The following JPH4 variants were observed in gnomAD, a reference collection of about 807,000 sequenced individuals.
JPH4 encodes junctophilin 4.
In JPH4, 18 loss-of-function variants were observed where a neutral mutation model predicts 57.6. That is an observed-to-expected ratio of 0.31 (90% CI 0.22 to 0.46). JPH4 has a LOEUF of 0.46. JPH4 is among the 20% of genes least tolerant of loss of function. The pLI, the probability that JPH4 is intolerant of heterozygous loss-of-function variation, is 1.00. For synonymous variants in JPH4, 425 were observed against 406.6 expected, an observed-to-expected ratio of 1.05 and a Z score of -0.54; for missense variants, 727 against 911.1, an observed-to-expected ratio of 0.80 and a Z score of 2.60.
chr14:23,570,906 C>A, intron 5 of JPH4, 22 bp downstream of exon 5: 1 of 1,499,022 alleles, frequency 6.7e-7, no homozygotes, highest in Non-Finnish European at 8.9e-7. Context: ...AGAGGGCACA[C>A]AGCAGGGACA....
At chr14:23,572,949 C>T in intron 3 of JPH4, 1 of 702,570 alleles carries the variant, frequency 1.4e-6, no homozygotes, top group East Asian at 2.7e-5. Context: ...CCCTTTCACC[C>T]TCTGCTGTTA....
chr14:23,570,876 G>A (rs967648262), intron 5 of JPH4, 52 bp downstream of exon 5: 40 of 1,452,772 alleles, frequency 2.8e-5, no homozygotes, highest in Non-Finnish European at 3.5e-5. Context: ...GGAAAGGGTG[G>A]GAGGCAAGGC....
rs915932501 is a variant in JPH4, at chr14:23,571,567, C to G, written c.1271-107G>C. 1 of 1,348,734 alleles carries G rather than the reference C, an allele frequency of 7.4e-7. No individual in the cohort carries two copies. The highest frequency in any genetic ancestry group is 1.5e-5 in the African/African-American group (1 of 68,786). 83.5% of individuals were successfully genotyped at this position (1,348,734 alleles called of 1,614,324 possible). ...TTCCCAGGACTTTGGAATTCCCAGG[C>G]TCATAGCCTCTCACCGCCAGACCCC... On this transcript the variant is annotated intron_variant, in intron 4 of 5. Coordinates refer to ENST00000356300, the MANE Select transcript of JPH4 (RefSeq NM_001146028.2). This position sits in a 1 kb window ranked among gnomAD's most constrained non-coding sequence, Gnocchi z 4.6.
At position 23,578,563 on chromosome 14, in the gene JPH4, A is replaced by G. The variant is rs1889335427; in HGVS notation, c.-555T>C. 6.6e-6 allele frequency: 1 copy of G among 151,666 alleles called. No individual in the cohort carries two copies. The highest frequency in any genetic ancestry group is 1.5e-5 in the Non-Finnish European group (1 of 67,990). 9.4% of individuals were successfully genotyped at this position (151,666 alleles called of 1,614,324 possible). A position where few individuals can be genotyped will look rare whatever the true frequency, so the allele number is the denominator to read the frequency against. ...ATCAAAATTCCGATTCCATCCCAGCACAAATCAATGTTTGCTCCATCCCAG... is the reference window on the plus strand; with the variant it reads ...ATCAAAATTCCGATTCCATCCCAGCGCAAATCAATGTTTGCTCCATCCCAG... On this transcript the variant is annotated 5_prime_UTR_variant, in exon 1 of 6. Transcript: ENST00000356300.
At position 23,571,314 on chromosome 14, in the gene JPH4, G is replaced by T. The variant is rs765180291; in HGVS notation, c.1417C>A (p.Pro473Thr). The change falls in exon 5 of 6, where the codon CCC becomes ACC. Residue 473 changes from proline (P) to threonine (T), a missense_variant. Coordinates refer to ENST00000356300, the MANE Select transcript of JPH4 (RefSeq NM_001146028.2). This position sits in a 1 kb window ranked among gnomAD's most constrained non-coding sequence, Gnocchi z 4.6. Reference protein sequence around the residue: ...SPASSRQPWRPPACRSPLPPG... With the variant: ...SPASSRQPWRTPACRSPLPPG... ...GGCAGTGGGCTCCGGCAGGCAGGGG[G>T]TCGCCAGGGTTGGCGGGAGGAGGCA... 2.5e-6 allele frequency: 4 copies of T among 1,595,970 alleles called. No individual in the cohort carries two copies. The East Asian group carries it at 6.7e-5, about 27-fold the overall frequency.
chr14:23,568,180 AGGGGAGGAAG>A lies in JPH4; in HGVS notation c.*1444_*1453del, dbSNP rs1284137612. On this transcript the variant is annotated 3_prime_UTR_variant, in exon 6 of 6. Coordinates refer to ENST00000356300, the MANE Select transcript of JPH4 (RefSeq NM_001146028.2). Reference sequence around the variant, plus strand: ...ATAGAAATCAGAAGTAAAGGTTGAGAGGGGAGGAAGGAGGGAGGCAAGCCAAGGAATAAAC... The same window carrying A: ...ATAGAAATCAGAAGTAAAGGTTGAGAGAGGGAGGCAAGCCAAGGAATAAAC... 1 of 985,686 alleles carries A rather than the reference AGGGGAGGAAG, an allele frequency of 1.0e-6. No individual in the cohort carries two copies. The highest frequency in any genetic ancestry group is 1.7e-5 in the African/African-American group (1 of 57,194). The allele number at this position is 985,686 out of a possible 1,614,324, so 61.1% of individuals were successfully genotyped here.
At position 23,578,757 on chromosome 14, in the gene JPH4, G is replaced by T; in HGVS notation, c.-749C>A. 6.6e-6 allele frequency: 1 copy of T among 151,934 alleles called. No individual in the cohort carries two copies. 9.4% of individuals were successfully genotyped at this position (151,934 alleles called of 1,614,324 possible). On this transcript the variant is annotated 5_prime_UTR_variant, in exon 1 of 6. Coordinates refer to ENST00000356300, the MANE Select transcript of JPH4 (RefSeq NM_001146028.2). Reference sequence around the variant, plus strand: ...GGTGTCCGCTAACCCTTCGGTGAGGGAGGAGGCAGGCAGAGAGGAGAAGGA... The same window carrying T: ...GGTGTCCGCTAACCCTTCGGTGAGGTAGGAGGCAGGCAGAGAGGAGAAGGA...
rs767926663 is a variant in JPH4, at chr14:23,571,093, C to A, written c.1638G>T (p.Glu546Asp). ...SDSSGSLREE[E>D]GEDEEPLPPL... is the part of the protein sequence containing the mutation. ...GGGGCAGGGGCTCTTCATCCTCCCC[C>A]TCCTCCTCTCGAAGACTTCCTGAAC... is the stretch of plus-strand genomic sequence containing the variant. Residue 546 changes from glutamate (E) to aspartate (D), a missense_variant, in exon 5 of 6, where the codon GAG becomes GAT. Glu to Asp is a conservative substitution (Grantham distance 45). This residue lies in a region of JPH4 where 293 missense variants were observed against 279.8 expected (regional missense o/e 1.05). Transcript: ENST00000356300. This position sits in a 1 kb window ranked among gnomAD's most constrained non-coding sequence, Gnocchi z 4.6. 6.2e-7 allele frequency: 1 copy of A among 1,613,760 alleles called. No individual in the cohort carries two copies. Among genetic ancestry groups the A allele is most frequent in the East Asian group, 2.2e-5 (1 of 44,894 alleles).
chr14:23,570,527 A>G (rs913349725), intron 5 of JPH4, among the ~76,000 whole-genome samples: 4 of 151,812 alleles, frequency 2.6e-5, no homozygotes, highest in Admixed American at 6.6e-5. Context: ...GCCCGCCACC[A>G]CGCCCGGCTA....
At chr14:23,573,458 G>C (rs1256357846) in intron 3 of JPH4, among the ~76,000 whole-genome samples, 2 of 152,230 alleles carry the variant, frequency 1.3e-5, no homozygotes, top group African/African-American at 2.4e-5. Flanking sequence ...AGCCGTGAGC[G>C]TGAGGATCAT....
chr14:23,569,599 C>T lies in JPH4; in HGVS notation c.*35G>A, dbSNP rs373149920. The T allele has an allele frequency of 2.5e-5, 37 of 1,485,486 alleles. No individual in the cohort carries two copies. Among genetic ancestry groups the T allele is most frequent in the Middle Eastern group, 1.7e-4 (1 of 5,770 alleles). 92.0% of individuals were successfully genotyped at this position (1,485,486 alleles called of 1,614,324 possible). A position where few individuals can be genotyped will look rare whatever the true frequency, so the allele number is the denominator to read the frequency against. ...GGCAGGTCAAAGGGGTGAAGAGGCA[C>T]GCAACCAAAGCCAGAACCAGGCCAG... On this transcript the variant is annotated 3_prime_UTR_variant, in exon 6 of 6. Coordinates refer to ENST00000356300, the MANE Select transcript of JPH4 (RefSeq NM_001146028.2). The surrounding 1 kb of genome is among the most constrained non-coding windows in gnomAD (Gnocchi z 4.8).
At position 23,571,760 on chromosome 14, in the gene JPH4, C is replaced by T. The variant is rs759127909; in HGVS notation, c.1270+42G>A. ...CCCACACCTGAGCCTCTCTAGCTCC[C>T]TAGGGGCCTCACTGCCCTCCCCCCA... On this transcript the variant is annotated intron_variant, in intron 4 of 5. Transcript: ENST00000356300. The surrounding 1 kb of genome is among the most constrained non-coding windows in gnomAD (Gnocchi z 4.6). The T allele has an allele frequency of 1.3e-6, 2 of 1,553,400 alleles. No homozygotes were observed. Among genetic ancestry groups the T allele is most frequent in the Non-Finnish European group, 1.8e-6 (2 of 1,129,780 alleles).
At position 23,572,981 on chromosome 14, in the gene JPH4, T is replaced by TTG. The variant is rs1889190350; in HGVS notation, c.1152-1062_1152-1061insCA. 3 of 702,214 alleles carry TTG rather than the reference T, an allele frequency of 4.3e-6. No individual in the cohort carries two copies. In the East Asian group the frequency reaches 8.0e-5, roughly 19 times the overall value. 43.5% of individuals were successfully genotyped at this position (702,214 alleles called of 1,614,324 possible). ...GTTAATCGTAGATGCCTTGTCATCC[T>TTG]TAAATGAGTTCTGTAATTCTGAGGG... On this transcript the variant is annotated intron_variant, in intron 3 of 5. Transcript: ENST00000356300.
chr14:23,568,698 G>T lies in JPH4; in HGVS notation c.*936C>A, dbSNP rs1381810253. On this transcript the variant is annotated 3_prime_UTR_variant, in exon 6 of 6. Coordinates refer to ENST00000356300, the MANE Select transcript of JPH4 (RefSeq NM_001146028.2). ...CAACTCCCAGAGTTGGGATGTGGGG[G>T]CCTTGCTCAAGTGCCTCTAACCCTC... 17 of 985,796 alleles carry T rather than the reference G, an allele frequency of 1.7e-5. No individual in the cohort carries two copies. The highest frequency in any genetic ancestry group is 2.0e-5 in the Non-Finnish European group (17 of 829,994). 61.1% of individuals were successfully genotyped at this position (985,796 alleles called of 1,614,324 possible).
In JPH4 at chr14:23,576,246, A is replaced by C; in HGVS notation, c.590T>G (p.Leu197Arg). ...GCCGTCGGCGTCCCCGGGCCCGGCC[A>C]GCACGAAGCCGCCCCGGGAGCCCGA... ...PASGSRGGFV[L>R]AGPGDADGAS... Residue 197 changes from leucine (L) to arginine (R), a missense_variant, in exon 3 of 6, where the codon CTG becomes CGG. Coordinates refer to ENST00000356300, the MANE Select transcript of JPH4 (RefSeq NM_001146028.2). This position sits in a 1 kb window ranked among gnomAD's most constrained non-coding sequence, Gnocchi z 8.0. 7.9e-7 allele frequency: 1 copy of C among 1,269,896 alleles called. No homozygotes were observed. Among genetic ancestry groups the C allele is most frequent in the Non-Finnish European group, 9.9e-7 (1 of 1,009,868 alleles). 78.7% of individuals were successfully genotyped at this position (1,269,896 alleles called of 1,614,324 possible). A position where few individuals can be genotyped will look rare whatever the true frequency, so the allele number is the denominator to read the frequency against.
intron 3 of JPH4, among the ~76,000 whole-genome samples, chr14:23,573,351 G>T (rs1358532574): frequency 1.3e-5 from 2 of 152,192 alleles, no homozygotes; most frequent in African/African-American, 4.8e-5. Flanking sequence ...GCTGGACTCA[G>T]GGTGCACAGC....
rs780285242 is a variant in JPH4 at position 23,571,459 on chromosome 14, G to T, written c.1272C>A (p.Gly424=). Residue 424 remains glycine, a splice_region_variant and synonymous_variant, in exon 5 of 6, where the codon GGC becomes GGA. Coordinates refer to ENST00000356300, the MANE Select transcript of JPH4 (RefSeq NM_001146028.2). The surrounding 1 kb of genome is among the most constrained non-coding windows in gnomAD (Gnocchi z 4.6). ...QDLQPMLEAP[G]RRPRQDSEGS... is the part of the protein sequence containing the mutation. The stretch of plus-strand genomic sequence containing the variant: ...CTTCTGAGTCCTGCCTGGGTCTGCG[G>T]CCTGGGTAGGGATAGCTGAGAATCA... 9.2e-5 allele frequency: 147 copies of T among 1,598,468 alleles called. No individual in the cohort carries two copies. The highest frequency in any genetic ancestry group is 1.2e-4 in the Non-Finnish European group (139 of 1,179,408).
chr14:23,572,803 C>G (rs767597491), intron 3 of JPH4: 1 of 695,890 alleles, frequency 1.4e-6, no homozygotes, highest in South Asian at 1.5e-5. Context: ...TGGCTAAACC[C>G]TTAGTCTCCC....
At position 23,568,631 on chromosome 14, in the gene JPH4, ATCTTG is replaced by A; in HGVS notation, c.*998_*1002del. ...TTCTGCTTCCATGTGAGCTCCTGTT[ATCTTG>A]TCTGGTCCTATCCCCCAGAAGTGCC... On this transcript the variant is annotated 3_prime_UTR_variant, in exon 6 of 6. Coordinates refer to ENST00000356300, the MANE Select transcript of JPH4 (RefSeq NM_001146028.2). 1.0e-6 allele frequency: 1 copy of A among 985,902 alleles called. No individual in the cohort carries two copies. Among genetic ancestry groups the A allele is most frequent in the Non-Finnish European group, 1.2e-6 (1 of 829,960 alleles). 61.1% of individuals were successfully genotyped at this position (985,902 alleles called of 1,614,324 possible).
Sources: gnomAD v4.1 joint callset for allele counts (sites outside exome capture counted in the v4.1 genomes callset) on GRCh38, gnomAD v4.1.1 for gene constraint, gnomAD v4.1.1 regional missense constraint, Gnocchi (gnomAD v3.1) non-coding constraint, MANE v1.5 for transcripts, NCBI Gene and HGNC (gene_info 2026-07-23, HGNC 2026-07-21) for gene names.